The following SDK1 variants were observed in gnomAD, a reference collection of about 807,000 sequenced individuals.
SDK1 encodes sidekick cell adhesion molecule 1.
In SDK1, 157 loss-of-function variants were observed where a neutral mutation model predicts 245.5. The observed-to-expected ratio is 0.64, with a 90% CI of 0.56 to 0.73. SDK1 has a LOEUF of 0.73. Ranked by LOEUF, SDK1 falls within the 30% of genes least tolerant of loss-of-function variation. The pLI is 0.00. For missense variants in SDK1, 3,583 were observed against 3,002.3 expected (o/e 1.19, Z -4.52); for synonymous variants, 1,647 against 1,278.5 (o/e 1.29, Z -6.15).
chr7:4,210,192 G>A (rs374382263), intron 38 of SDK1, 30 bp downstream of exon 38: 38 of 1,506,340 alleles, frequency 2.5e-5, no homozygotes, highest in African/African-American at 1.8e-4. Context: ...AGATGGGAGC[G>A]CGGGCCACAC....
chr7:3,653,862 T>A (rs1783080185), intron 4 of SDK1, among the ~76,000 whole-genome samples: 1 of 152,150 alleles, frequency 6.6e-6, no homozygotes, highest in Non-Finnish European at 1.5e-5. Context: ...CACTTCAGCT[T>A]CACTTATGAA....
rs1473226829 is a variant in SDK1, at chr7:3,821,161, C to A, written c.714-289C>A. On this transcript the variant is annotated intron_variant, in intron 4 of 44. Transcript: ENST00000404826. ...GGAGGAACCTCTGAGTTTTAATGAACTCTGGATGTCTATGTTCCAGAACAT... is the reference window on the plus strand; with the variant it reads ...GGAGGAACCTCTGAGTTTTAATGAAATCTGGATGTCTATGTTCCAGAACAT... Among the ~76,000 whole-genome samples, 3 of 152,320 alleles carry A rather than the reference C, an allele frequency of 2.0e-5. No homozygotes were observed. The East Asian group carries it at 5.8e-4, about 29-fold the overall frequency.
At chr7:3,469,316 A>G (rs923995552) in intron 1 of SDK1, among the ~76,000 whole-genome samples, 1 of 152,154 alleles carries the variant, frequency 6.6e-6, no homozygotes, top group East Asian at 1.9e-4. Flanking sequence ...TTGTCGTCCC[A>G]GATACTTGGG....
At chr7:4,171,752 G>C (rs1781851801) in intron 32 of SDK1, among the ~76,000 whole-genome samples, 1 of 152,244 alleles carries the variant, frequency 6.6e-6, no homozygotes, top group Non-Finnish European at 1.5e-5. Flanking sequence ...TGAGAATTTG[G>C]AGCTAGATGC....
chr7:3,376,757 G>C (rs920303275), intron 1 of SDK1, among the ~76,000 whole-genome samples: 2 of 152,038 alleles, frequency 1.3e-5, no homozygotes, highest in African/African-American at 2.4e-5. Flanking sequence ...GTAAATTTAT[G>C]CTAAGGTAAT....
At chr7:3,656,502 G>C (rs1052766813) in intron 4 of SDK1, among the ~76,000 whole-genome samples, 1 of 152,070 alleles carries the variant, frequency 6.6e-6, no homozygotes, top group Non-Finnish European at 1.5e-5. Context: ...GGACTCTAAG[G>C]GGGTACTGCT....
intron 1 of SDK1, among the ~76,000 whole-genome samples, chr7:3,567,142 T>G (rs568486663): frequency 6.6e-6 from 1 of 152,202 alleles, no homozygotes; most frequent in Non-Finnish European, 1.5e-5. Flanking sequence ...CGTGAAGTAT[T>G]TACATTGTTA....
At chr7:3,862,441 C>G (rs1780716919) in intron 5 of SDK1, among the ~76,000 whole-genome samples, 2 of 152,160 alleles carry the variant, frequency 1.3e-5, no homozygotes, top group South Asian at 4.1e-4. Context: ...ACAATGTCTT[C>G]TTTTTGGTAA....
chr7:3,936,539 C>T (rs1780165783), intron 5 of SDK1, among the ~76,000 whole-genome samples: 1 of 150,780 alleles, frequency 6.6e-6, no homozygotes. Context: ...GACCCTAGAT[C>T]ACGCCACAGC....
chr7:3,585,740 A>T (rs1258195769), intron 1 of SDK1, among the ~76,000 whole-genome samples: 2 of 152,160 alleles, frequency 1.3e-5, no homozygotes, highest in African/African-American at 4.8e-5. Context: ...GTACATCAGG[A>T]TTGAGCACAG....
intron 1 of SDK1, among the ~76,000 whole-genome samples, chr7:3,457,575 C>T (rs199741815): frequency 2.0e-5 from 3 of 152,150 alleles, no homozygotes; most frequent in African/African-American, 7.2e-5. Context: ...TTCTGTTTTG[C>T]CTGGTTGGAT....
In SDK1 at chr7:3,642,140, A is replaced by G. The variant is rs746207805; in HGVS notation, c.713+35A>G. On this transcript the variant is annotated intron_variant, in intron 4 of 44. Coordinates refer to ENST00000404826, the MANE Select transcript of SDK1 (RefSeq NM_152744.4). ...TCCAAACGTTAAAGCTTCAAATACA[A>G]TTGTAATGTCACTTGCTGGCACCAT... is the stretch of plus-strand genomic sequence containing the variant. 17 of 1,589,752 alleles carry G rather than the reference A, an allele frequency of 1.1e-5. 1 individual carries two copies. The South Asian group carries it at 1.1e-4, about 11-fold the overall frequency.
chr7:4,000,954 C>T (rs1412575701), intron 14 of SDK1, among the ~76,000 whole-genome samples: 1 of 152,122 alleles, frequency 6.6e-6, no homozygotes. Context: ...CCAGAGGGGG[C>T]TGAGGTCTGC....
intron 14 of SDK1, among the ~76,000 whole-genome samples, chr7:4,001,550 G>T (rs931278087): frequency 6.6e-6 from 1 of 152,216 alleles, no homozygotes; most frequent in Admixed American, 6.5e-5. Context: ...GCATCCATTA[G>T]CTGGGGGTTT....
intron 4 of SDK1, among the ~76,000 whole-genome samples, chr7:3,712,134 A>G (rs1020816831): frequency 7.9e-5 from 12 of 152,118 alleles, no homozygotes; most frequent in African/African-American, 2.9e-4. Flanking sequence ...ACCAGGCTGC[A>G]CAGCAGGAGG....
chr7:3,987,036 G>A (rs910067248), intron 13 of SDK1, 150 bp from the exon 14 acceptor site: 16 of 721,916 alleles, frequency 2.2e-5, no homozygotes, highest in African/African-American at 2.0e-4. Context: ...TTTCTGGGGG[G>A]AAGAGAGTTA....
intron 17 of SDK1, among the ~76,000 whole-genome samples, chr7:4,035,978 G>A (rs1788179353): frequency 6.6e-6 from 1 of 152,178 alleles, no homozygotes; most frequent in Admixed American, 6.5e-5. Context: ...GAATTTGTAT[G>A]AAACTTCCAA....
At chr7:3,328,422 C>G (rs1210036643) in intron 1 of SDK1, among the ~76,000 whole-genome samples, 3 of 151,986 alleles carry the variant, frequency 2.0e-5, no homozygotes, top group South Asian at 2.1e-4. Context: ...TGCTAACATT[C>G]TAGTTCAGAT....
intron 12 of SDK1, among the ~76,000 whole-genome samples, chr7:3,971,982 G>T (rs908909504): frequency 6.6e-6 from 1 of 152,068 alleles, no homozygotes; most frequent in African/African-American, 2.4e-5. Flanking sequence ...TGAAATGGAG[G>T]GGGAGGGAGT....
Sources: gnomAD v4.1 joint callset for allele counts (sites outside exome capture counted in the v4.1 genomes callset) on GRCh38, gnomAD v4.1.1 for gene constraint, MANE v1.5 for transcripts, NCBI Gene and HGNC (gene_info 2026-07-23, HGNC 2026-07-21) for gene names.